Variants in LRRC37A2 observed in about 807,000 individuals in gnomAD.
The protein encoded by LRRC37A2 is leucine-rich repeat-containing protein 37A2.
LRRC37A2 carries 9 observed loss-of-function variants against 68.8 expected under a neutral mutation model. That is an observed-to-expected ratio of 0.13 (90% CI 0.08 to 0.23). The LOEUF (loss-of-function observed/expected upper bound fraction) is 0.23. LRRC37A2 is among the 10% of genes least tolerant of loss of function. LRRC37A2 has a pLI of 1.00. For synonymous variants in LRRC37A2, 63 were observed against 367.6 expected, an observed-to-expected ratio of 0.17 and a Z score of 9.48; for missense variants, 168 against 950.4, an observed-to-expected ratio of 0.18 and a Z score of 10.82.
At chr17:46,605,995 C>CAAA in the LRRC37A2 span, among the ~76,000 whole-genome samples, 69 of 51,050 alleles carry the variant, frequency 1.4e-3, 1 homozygote, top group African/African-American at 4.6e-3. Flanking sequence ...ACTAAAAATA[C>CAAA]AAAAAAAAAA....
chr17:46,729,213 T>G, the LRRC37A2 span, among the ~76,000 whole-genome samples: 1 of 152,166 alleles, frequency 6.6e-6, no homozygotes, highest in East Asian at 1.9e-4. Flanking sequence ...TTCCACCATA[T>G]TACATATCCC....
chr17:46,817,540 G>A, the LRRC37A2 span, among the ~76,000 whole-genome samples: 5 of 152,148 alleles, frequency 3.3e-5, no homozygotes, highest in Non-Finnish European at 5.9e-5. Context: ...GTGGGAGAGC[G>A]GCGATGGGGC....
chr17:46,899,137 C>G, the LRRC37A2 span, among the ~76,000 whole-genome samples: 1 of 152,106 alleles, frequency 6.6e-6, no homozygotes, highest in Non-Finnish European at 1.5e-5. Context: ...CACTCATAAT[C>G]GCAGCACTAT....
the LRRC37A2 span, among the ~76,000 whole-genome samples, chr17:46,803,880 A>C: frequency 3.9e-5 from 6 of 152,176 alleles, no homozygotes; most frequent in Non-Finnish European, 5.9e-5. Context: ...CTAAATTCTC[A>C]TGGCGCAGCT....
the LRRC37A2 span, among the ~76,000 whole-genome samples, chr17:46,895,390 C>T: frequency 4.9e-4 from 74 of 152,348 alleles, 1 homozygote; most frequent in Admixed American, 3.9e-4. Context: ...TCCTAACTTC[C>T]CCATTTGTGT....
chr17:46,782,487 C>G, the LRRC37A2 span, among the ~76,000 whole-genome samples: 2 of 152,154 alleles, frequency 1.3e-5, no homozygotes, highest in Non-Finnish European at 2.9e-5. Flanking sequence ...CCACCCTCCA[C>G]GGAAACTTCT....
chr17:47,026,722 A>C, the LRRC37A2 span, among the ~76,000 whole-genome samples: 10 of 152,210 alleles, frequency 6.6e-5, no homozygotes, highest in Non-Finnish European at 1.5e-4. Context: ...AAAACCAAAA[A>C]TGAATTTCTA....
At chr17:46,816,742 C>G in the LRRC37A2 span, among the ~76,000 whole-genome samples, 3 of 152,206 alleles carry the variant, frequency 2.0e-5, no homozygotes, top group East Asian at 5.8e-4. Flanking sequence ...GCCGGAGAGA[C>G]TGGTCTCTCT....
At chr17:47,011,427 C>T in the LRRC37A2 span, among the ~76,000 whole-genome samples, 1 of 151,736 alleles carries the variant, frequency 6.6e-6, no homozygotes, top group African/African-American at 2.4e-5. Context: ...TGGGTGCCTG[C>T]AATCTCAGCT....
chr17:46,940,019 A>G, the LRRC37A2 span: 1 of 1,038,172 alleles, frequency 9.6e-7, no homozygotes, highest in Non-Finnish European at 1.2e-6. Flanking sequence ...CTCAGTATTA[A>G]CCCTACCTTT....
At chr17:46,881,462 A>G in the LRRC37A2 span, among the ~76,000 whole-genome samples, 1 of 152,244 alleles carries the variant, frequency 6.6e-6, no homozygotes, top group African/African-American at 2.4e-5. Context: ...CTTTTTTTAC[A>G]GATAGGGGAA....
the LRRC37A2 span, among the ~76,000 whole-genome samples, chr17:46,777,204 C>T: frequency 6.6e-6 from 1 of 151,718 alleles, no homozygotes; most frequent in South Asian, 2.1e-4. Flanking sequence ...AGCGAGACTT[C>T]GTCTCAAAAA....
At chr17:46,428,985 TC>T in the LRRC37A2 span, among the ~76,000 whole-genome samples, 2 of 107,764 alleles carry the variant, frequency 1.9e-5, no homozygotes, top group Non-Finnish European at 1.8e-5. Flanking sequence ...TGTATGCCTT[TC>T]TGCTTTTGTA....
the LRRC37A2 span, among the ~76,000 whole-genome samples, chr17:46,743,200 C>T: frequency 1.3e-5 from 2 of 152,138 alleles, no homozygotes; most frequent in African/African-American, 4.8e-5. Flanking sequence ...CAACCTTGGC[C>T]TCTCTGCGTC....
chr17:46,986,823 TG>T, the LRRC37A2 span, among the ~76,000 whole-genome samples: 3,226 of 152,182 alleles, frequency 0.021, 41 homozygotes, highest in Non-Finnish European at 0.031. Flanking sequence ...TGTGACCTGC[TG>T]GGGGGAACAG....
the LRRC37A2 span, among the ~76,000 whole-genome samples, chr17:46,711,304 T>C: frequency 1.3e-5 from 2 of 152,354 alleles, no homozygotes; most frequent in East Asian, 3.9e-4. Context: ...TGGGGTAGAA[T>C]GTTAGTGAGG....
chr17:46,684,726 C>CA, the LRRC37A2 span, among the ~76,000 whole-genome samples: 1 of 143,876 alleles, frequency 7.0e-6, no homozygotes, highest in Admixed American at 7.1e-5. Flanking sequence ...AAAATTAACT[C>CA]AAGATGGTTT....
chr17:46,757,936 G>A, the LRRC37A2 span, among the ~76,000 whole-genome samples: 1 of 151,904 alleles, frequency 6.6e-6, no homozygotes, highest in Non-Finnish European at 1.5e-5. Context: ...AGAGGTTGCA[G>A]TGAGCCAGGA....
the LRRC37A2 span, among the ~76,000 whole-genome samples, chr17:47,026,296 A>C: frequency 9.9e-5 from 15 of 152,148 alleles, no homozygotes; most frequent in Non-Finnish European, 2.9e-5. Flanking sequence ...CGTAGAGTAC[A>C]AGAAGGGAGA....
Sources: allele counts gnomAD v4.1 joint callset (sites outside exome capture counted in the v4.1 genomes callset), GRCh38; gene constraint gnomAD v4.1.1; transcripts MANE v1.5; gene names NCBI Gene and HGNC (gene_info 2026-07-23, HGNC 2026-07-21).